ERBB4: variants seen among roughly 807,000 people sequenced by gnomAD.
The protein encoded by ERBB4 is receptor tyrosine-protein kinase erbB-4.
A neutral mutation model predicts 158.0 loss-of-function variants in ERBB4; 42 were observed. That is an observed-to-expected ratio of 0.27 (90% CI 0.21 to 0.34). The LOEUF (loss-of-function observed/expected upper bound fraction) is 0.34. ERBB4 is among the 10% of genes least tolerant of loss of function. The pLI is 1.00. For synonymous variants in ERBB4, 583 were observed against 558.7 expected (o/e 1.04, Z -0.61); for missense variants, 1,333 against 1,624.1 (o/e 0.82, Z 3.08).
At chr2:212,362,816 T>A (rs953458875) in intron 1 of ERBB4, among the ~76,000 whole-genome samples, 6 of 151,110 alleles carry the variant, frequency 4.0e-5, no homozygotes, top group African/African-American at 1.5e-4. Context: ...ACTTCTTTCA[T>A]AAAAAAATAT....
At chr2:211,849,874 A>C (rs191237292) in intron 3 of ERBB4, among the ~76,000 whole-genome samples, 1 of 152,138 alleles carries the variant, frequency 6.6e-6, no homozygotes, top group East Asian at 1.9e-4. Context: ...CACAAATAGC[A>C]TGTTTGGTTT....
At chr2:211,876,028 T>C (rs1282112359) in intron 3 of ERBB4, among the ~76,000 whole-genome samples, 1 of 152,164 alleles carries the variant, frequency 6.6e-6, no homozygotes, top group Non-Finnish European at 1.5e-5. Flanking sequence ...GAACATGTCC[T>C]CACCATTAAG....
In ERBB4 at chr2:211,675,845, A is replaced by G. The variant is rs566094073; in HGVS notation, c.1623-2588T>C. 2.7e-3 allele frequency among the ~76,000 whole-genome samples: 394 copies of G among 145,010 alleles called. 1 individual carries two copies. The highest frequency in any genetic ancestry group is 9.3e-3 in the African/African-American group (378 of 40,550). ...CTCCCTGGATTTTGGTAAATGTCATATTTATATTTGATTACTTTCAGTAGT... is the reference window on the plus strand; with the variant it reads ...CTCCCTGGATTTTGGTAAATGTCATGTTTATATTTGATTACTTTCAGTAGT... On this transcript the variant is annotated intron_variant, in intron 13 of 27. Coordinates refer to ENST00000342788, the MANE Select transcript of ERBB4 (RefSeq NM_005235.3).
rs577039274 is a variant in ERBB4, at chr2:212,011,625, CT to C, written c.235-64010del. 3.3e-5 allele frequency among the ~76,000 whole-genome samples: 5 copies of C among 152,078 alleles called. No individual in the cohort carries two copies. In the South Asian group the frequency reaches 1.0e-3, roughly 32 times the overall value. ...ATTAGCCAGGTTTGGTGGTACATGT[CT>C]GTAATCCAAGCCACTCAGGAGGCTG... On this transcript the variant is annotated intron_variant, in intron 2 of 27. Transcript: ENST00000342788.
chr2:211,384,833 A>G (rs144446686), intron 27 of ERBB4, among the ~76,000 whole-genome samples: 11 of 152,262 alleles, frequency 7.2e-5, no homozygotes, highest in African/African-American at 2.6e-4. Flanking sequence ...AAACCAGTCA[A>G]TTAGTGCCTA....
chr2:211,982,411 A>T lies in ERBB4; in HGVS notation c.235-34795T>A, dbSNP rs564613459. ...AAAAAAACAAAAAGTACAGGAAGAA[A>T]TGTTCCACAAAAAGGGGATAACAAG... On this transcript the variant is annotated intron_variant, in intron 2 of 27. Transcript: ENST00000342788. Among the ~76,000 whole-genome samples the T allele has an allele frequency of 6.5e-4, 99 of 152,330 alleles. 1 individual carries two copies. Among genetic ancestry groups the T allele is most frequent in the Admixed American group, 8.5e-4 (13 of 15,302 alleles).
intron 20 of ERBB4, among the ~76,000 whole-genome samples, chr2:211,468,407 G>C (rs2064749774): frequency 6.6e-6 from 1 of 152,136 alleles, no homozygotes; most frequent in Admixed American, 6.6e-5. Flanking sequence ...AACCCATCCA[G>C]GGGTTTTGAC....
At chr2:211,746,833 A>G (rs2074988545) in intron 5 of ERBB4, among the ~76,000 whole-genome samples, 1 of 151,780 alleles carries the variant, frequency 6.6e-6, no homozygotes, top group Non-Finnish European at 1.5e-5. Flanking sequence ...GTCTCAAAAA[A>G]AAAAAAAAAA....
intron 1 of ERBB4, among the ~76,000 whole-genome samples, chr2:212,481,069 C>T (rs1415350988): frequency 6.6e-6 from 1 of 151,944 alleles, no homozygotes; most frequent in Non-Finnish European, 1.5e-5. Context: ...TGTGTGCATA[C>T]AACACATATA....
At chr2:211,639,570 A>G (rs2070492461) in intron 16 of ERBB4, among the ~76,000 whole-genome samples, 1 of 152,218 alleles carries the variant, frequency 6.6e-6, no homozygotes, top group African/African-American at 2.4e-5. Flanking sequence ...TATGCACTAT[A>G]ATTTCAGATA....
intron 20 of ERBB4, among the ~76,000 whole-genome samples, chr2:211,445,478 A>T (rs2064088464): frequency 6.6e-6 from 1 of 152,132 alleles, no homozygotes; most frequent in East Asian, 1.9e-4. Context: ...AGAAAAAGTG[A>T]CCAAAAGTAA....
chr2:211,868,518 G>T (rs1418987912), intron 3 of ERBB4, among the ~76,000 whole-genome samples: 1 of 152,164 alleles, frequency 6.6e-6, no homozygotes, highest in Non-Finnish European at 1.5e-5. Flanking sequence ...GATAAGCCAT[G>T]TAAAGTATGA....
At chr2:212,508,788 A>C (rs946638808) in intron 1 of ERBB4, among the ~76,000 whole-genome samples, 7 of 152,222 alleles carry the variant, frequency 4.6e-5, no homozygotes, top group African/African-American at 1.7e-4. Flanking sequence ...GCAGTTATGT[A>C]ATCTTCCTCC....
At chr2:211,543,259 T>C (rs1442055772) in intron 20 of ERBB4, among the ~76,000 whole-genome samples, 3 of 152,112 alleles carry the variant, frequency 2.0e-5, no homozygotes, top group Middle Eastern at 3.4e-3. Flanking sequence ...GCAACATCAG[T>C]AGCTTTGAGA....
chr2:211,478,020 A>C (rs990376170), intron 20 of ERBB4, among the ~76,000 whole-genome samples: 1 of 152,152 alleles, frequency 6.6e-6, no homozygotes, highest in Non-Finnish European at 1.5e-5. Flanking sequence ...AAGCTACAAC[A>C]CCACTTGGCT....
chr2:211,827,178 T>C (rs1471791258), intron 3 of ERBB4, among the ~76,000 whole-genome samples: 1 of 151,994 alleles, frequency 6.6e-6, no homozygotes, highest in African/African-American at 2.4e-5. Context: ...TATCCGAAAA[T>C]GACTTTCTAC....
At chr2:211,839,057 T>C (rs2077404831) in intron 3 of ERBB4, among the ~76,000 whole-genome samples, 1 of 151,736 alleles carries the variant, frequency 6.6e-6, no homozygotes, top group Non-Finnish European at 1.5e-5. Context: ...TGCATGGAGT[T>C]AAAGATTCCT....
intron 25 of ERBB4, among the ~76,000 whole-genome samples, chr2:211,394,589 T>A (rs2062871728): frequency 6.6e-6 from 1 of 152,128 alleles, no homozygotes; most frequent in Admixed American, 6.6e-5. Context: ...TCTTTCTTTT[T>A]TAATGTATGC....
At chr2:211,869,451 A>G (rs1481108678) in intron 3 of ERBB4, among the ~76,000 whole-genome samples, 1 of 152,150 alleles carries the variant, frequency 6.6e-6, no homozygotes, top group Non-Finnish European at 1.5e-5. Flanking sequence ...ATCCTGTAAT[A>G]ATAGTTACAT....
Sources: allele counts gnomAD v4.1 joint callset (sites outside exome capture counted in the v4.1 genomes callset), GRCh38; gene constraint gnomAD v4.1.1; transcripts MANE v1.5; gene names NCBI Gene and HGNC (gene_info 2026-07-23, HGNC 2026-07-21).